Variants in LMOD1 observed in about 807,000 individuals in gnomAD.
LMOD1 encodes the protein leiomodin-1.
LMOD1 carries 8 observed loss-of-function variants against 36.5 expected under a neutral mutation model. That is an observed-to-expected ratio of 0.22 (90% CI 0.13 to 0.40). LMOD1 has a LOEUF of 0.40. Ranked by LOEUF, LMOD1 falls within the 10% of genes least tolerant of loss-of-function variation. The pLI is 1.00. For missense variants in LMOD1, 630 were observed against 751.1 expected (o/e 0.84, Z 1.88); for synonymous variants, 284 against 288.7 (o/e 0.98, Z 0.17).
chr1:201,938,154 AGTTTC>A (rs1183806648), intron 1 of LMOD1, among the ~76,000 whole-genome samples: 1 of 134,820 alleles, frequency 7.4e-6, no homozygotes, highest in Non-Finnish European at 1.6e-5. Flanking sequence ...TTTGAGATGG[AGTTTC>A]GCTCTTGTTG....
chr1:201,922,695 C>T (rs1371662032), intron 1 of LMOD1, among the ~76,000 whole-genome samples: 2 of 150,676 alleles, frequency 1.3e-5, no homozygotes, highest in African/African-American at 2.4e-5. Context: ...TATATATTCA[C>T]ACTGAATATA....
At chr1:201,914,117 C>T (rs1251833786) in intron 1 of LMOD1, among the ~76,000 whole-genome samples, 5 of 152,170 alleles carry the variant, frequency 3.3e-5, no homozygotes, top group African/African-American at 1.2e-4. Context: ...CGTCAGTCAT[C>T]ACCTTGCCAG....
rs1024872123 is a variant in LMOD1, at chr1:201,898,306, G to T, written c.*66C>A. 5.8e-6 allele frequency: 9 copies of T among 1,547,416 alleles called. No homozygotes were observed. In the African/African-American group the frequency reaches 1.2e-4, roughly 21 times the overall value. On this transcript the variant is annotated 3_prime_UTR_variant, in exon 3 of 3. Coordinates refer to ENST00000367288, the MANE Select transcript of LMOD1 (RefSeq NM_012134.3). ...GCCAGGGATGGGGTGGGCAGGGTCTGTGTAGCCCTGGGAGGTGAGGCCTGA... is the reference window on the plus strand; with the variant it reads ...GCCAGGGATGGGGTGGGCAGGGTCTTTGTAGCCCTGGGAGGTGAGGCCTGA...
intron 1 of LMOD1, among the ~76,000 whole-genome samples, chr1:201,940,127 C>T (rs1184177077): frequency 2.0e-5 from 3 of 151,928 alleles, no homozygotes; most frequent in African/African-American, 7.3e-5. Context: ...TACAAGTGCT[C>T]CTTGGTCCTG....
At position 201,913,813 on chromosome 1, in the gene LMOD1, G is replaced by A. The variant is rs186494520; in HGVS notation, c.262-13062C>T. ...ATTCAGAGTTTCCTTCCTGTTTAAG[G>A]CTGAATAGTATTCCATTGTATGTAT... On this transcript the variant is annotated intron_variant, in intron 1 of 2. Coordinates refer to ENST00000367288, the MANE Select transcript of LMOD1 (RefSeq NM_012134.3). Among the ~76,000 whole-genome samples the A allele has an allele frequency of 2.2e-4, 33 of 152,130 alleles. No homozygotes were observed. The East Asian group carries it at 6.0e-3, about 28-fold the overall frequency.
intron 1 of LMOD1, among the ~76,000 whole-genome samples, chr1:201,905,233 C>T (rs1419063400): frequency 6.6e-6 from 1 of 152,168 alleles, no homozygotes; most frequent in Non-Finnish European, 1.5e-5. Context: ...CTCTGAAAGC[C>T]GGTACTGACC....
intron 1 of LMOD1, 27 bp from the exon 2 acceptor site, chr1:201,900,778 C>T (rs759897611): frequency 3.2e-6 from 5 of 1,552,148 alleles, no homozygotes; most frequent in South Asian, 1.2e-5. Flanking sequence ...GAAAAATAAT[C>T]ATGAAAAGCT....
intron 1 of LMOD1, among the ~76,000 whole-genome samples, chr1:201,914,417 A>G (rs1001104141): frequency 6.6e-6 from 1 of 152,142 alleles, no homozygotes; most frequent in African/African-American, 2.4e-5. Context: ...CGGGGATCAC[A>G]TCTGGTACGG....
chr1:201,926,805 C>A (rs1681832799), intron 1 of LMOD1, among the ~76,000 whole-genome samples: 1 of 151,868 alleles, frequency 6.6e-6, no homozygotes, highest in South Asian at 2.1e-4. Context: ...TTGCTTGAGT[C>A]CAGGAGTTTG....
intron 1 of LMOD1, among the ~76,000 whole-genome samples, chr1:201,922,664 C>T (rs1459493061): frequency 6.6e-6 from 1 of 151,504 alleles, no homozygotes; most frequent in Non-Finnish European, 1.5e-5. Flanking sequence ...TGGTGTTGTA[C>T]AACTTTGTGA....
chr1:201,899,411 T>C lies in LMOD1; in HGVS notation c.1602A>G (p.Pro534=), dbSNP rs780794163. 3 of 755,424 alleles carry C rather than the reference T, an allele frequency of 4.0e-6. No individual in the cohort carries two copies. In the South Asian group the frequency reaches 4.0e-5, roughly 10 times the overall value. 46.8% of individuals were successfully genotyped at this position (755,424 alleles called of 1,614,324 possible). Residue 534 remains proline (P), a synonymous_variant, in exon 2 of 3, where the codon CCA becomes CCG. Transcript: ENST00000367288. This position sits in a 1 kb window ranked among gnomAD's most constrained non-coding sequence, Gnocchi z 6.3. The part of the protein sequence containing the change: ...SPKKGGAPAA[P]PPPPPPLAPP... ...GAGCCAAGGGAGGGGGAGGGGGTGG[T>C]GGGGCAGCTGGAGCACCCCCTTTTT...
chr1:201,934,778 A>T (rs552591379), intron 1 of LMOD1, among the ~76,000 whole-genome samples: 1 of 152,062 alleles, frequency 6.6e-6, no homozygotes, highest in South Asian at 2.1e-4. Context: ...ACCTTATTAA[A>T]CCTCTCAGCA....
At chr1:201,922,910 C>T (rs1043840287) in intron 1 of LMOD1, among the ~76,000 whole-genome samples, 8 of 151,890 alleles carry the variant, frequency 5.3e-5, no homozygotes, top group South Asian at 4.2e-4. Flanking sequence ...CTGCAACCTT[C>T]GCTTCCTGGG....
intron 1 of LMOD1, among the ~76,000 whole-genome samples, chr1:201,908,028 A>G (rs1681439769): frequency 6.6e-6 from 1 of 152,078 alleles, no homozygotes; most frequent in Non-Finnish European, 1.5e-5. Flanking sequence ...CTACCGCTTC[A>G]GCCAACAGCA....
intron 1 of LMOD1, among the ~76,000 whole-genome samples, chr1:201,926,819 C>G (rs1382551044): frequency 6.6e-6 from 1 of 152,026 alleles, no homozygotes; most frequent in African/African-American, 2.4e-5. Flanking sequence ...GAGTTTGAGA[C>G]TAGCCTGGAC....
chr1:201,918,743 G>A (rs1446801976), intron 1 of LMOD1, among the ~76,000 whole-genome samples: 1 of 152,162 alleles, frequency 6.6e-6, no homozygotes, highest in Non-Finnish European at 1.5e-5. Flanking sequence ...ACAGCACAAT[G>A]AACCTCAAGG....
Position 201,931,395 on chromosome 1 carries a change from C to T in LMOD1, c.261+14685G>A, listed in dbSNP as rs143627310. Among the ~76,000 whole-genome samples, 872 of 152,056 alleles carry T rather than the reference C, an allele frequency of 5.7e-3. 4 individuals carry two copies. Among genetic ancestry groups the T allele is most frequent in the Admixed American group, 9.2e-3 (140 of 15,264 alleles). ...ACTAAAAATACAAAAATTAGCTGGGCGTGGCGGTGCGTGCCTGTAATCCCA... is the reference window on the plus strand; with the variant it reads ...ACTAAAAATACAAAAATTAGCTGGGTGTGGCGGTGCGTGCCTGTAATCCCA... On this transcript the variant is annotated intron_variant, in intron 1 of 2. Coordinates refer to ENST00000367288, the MANE Select transcript of LMOD1 (RefSeq NM_012134.3).
intron 1 of LMOD1, among the ~76,000 whole-genome samples, chr1:201,935,126 C>A (rs1681993338): frequency 6.6e-6 from 1 of 152,204 alleles, no homozygotes; most frequent in Non-Finnish European, 1.5e-5. Flanking sequence ...AAGGCTCATT[C>A]TTCCAGCTTT....
chr1:201,911,650 G>T (rs1200392870), intron 1 of LMOD1, among the ~76,000 whole-genome samples: 1 of 152,150 alleles, frequency 6.6e-6, no homozygotes, highest in Non-Finnish European at 1.5e-5. Context: ...GGGCGACGGA[G>T]TGAGACCACC....
Sources: gnomAD v4.1 joint callset for allele counts (sites outside exome capture counted in the v4.1 genomes callset) on GRCh38, gnomAD v4.1.1 for gene constraint, Gnocchi (gnomAD v3.1) non-coding constraint, MANE v1.5 for transcripts, NCBI Gene and HGNC (gene_info 2026-07-23, HGNC 2026-07-21) for gene names.